UBE3C: variants seen among roughly 807,000 people sequenced by gnomAD.
UBE3C encodes the protein ubiquitin protein ligase E3C.
A neutral mutation model predicts 129.4 loss-of-function variants in UBE3C; 42 were observed. That is an observed-to-expected ratio of 0.32 (90% CI 0.25 to 0.42). The LOEUF is 0.42. Among genes scored for constraint, UBE3C ranks in the 10% least tolerant of loss-of-function variants. The pLI is 1.00. For synonymous variants in UBE3C, 510 were observed against 492.4 expected, an observed-to-expected ratio of 1.04 and a Z score of -0.47; for missense variants, 1,049 against 1,319.1, an observed-to-expected ratio of 0.80 and a Z score of 3.17.
At chr7:157,140,824 A>C (rs751686683) in intron 1 of UBE3C, among the ~76,000 whole-genome samples, 5 of 152,336 alleles carry the variant, frequency 3.3e-5, no homozygotes, top group Non-Finnish European at 7.3e-5. Context: ...TCAAGGGAAG[A>C]TAGCACGAGC....
chr7:157,176,995 G>T (rs1026772959), intron 5 of UBE3C, among the ~76,000 whole-genome samples: 2 of 152,162 alleles, frequency 1.3e-5, no homozygotes, highest in Admixed American at 6.5e-5. Context: ...ACCACCTGCA[G>T]CTCCTTTTAT....
chr7:157,161,978 G>A (rs1808082927), intron 1 of UBE3C, among the ~76,000 whole-genome samples: 1 of 151,750 alleles, frequency 6.6e-6, no homozygotes, highest in East Asian at 2.0e-4. Context: ...GCTGTGGCAC[G>A]AGAATTGCTT....
At chr7:157,157,307 T>G (rs1361306772) in intron 1 of UBE3C, among the ~76,000 whole-genome samples, 2 of 152,146 alleles carry the variant, frequency 1.3e-5, no homozygotes, top group Non-Finnish European at 2.9e-5. Context: ...ATTAAAACTT[T>G]GTACACATAA....
At position 157,139,175 on chromosome 7, in the gene UBE3C, G is replaced by A; in HGVS notation, c.-98G>A. On this transcript the variant is annotated 5_prime_UTR_variant, in exon 1 of 23. Transcript: ENST00000348165. ...CGCCGCGTCCTCGCTGCCCCGGGCC[G>A]GGCGGGCGGGCGCCGAGAGCCTCCC... 1.1e-6 allele frequency: 1 copy of A among 885,404 alleles called. No homozygotes were observed. Among genetic ancestry groups the A allele is most frequent in the Non-Finnish European group, 1.4e-6 (1 of 722,212 alleles). The allele number at this position is 885,404 out of a possible 1,614,324, so 54.8% of individuals were successfully genotyped here.
chr7:157,150,688 A>G (rs1807733612), intron 1 of UBE3C, among the ~76,000 whole-genome samples: 1 of 152,212 alleles, frequency 6.6e-6, no homozygotes, highest in East Asian at 1.9e-4. Context: ...TATGAACATG[A>G]TTTATTGTTA....
At position 157,197,440 on chromosome 7, in the gene UBE3C, T is replaced by C. The variant is rs377669754; in HGVS notation, c.1332-4281T>C. On this transcript the variant is annotated intron_variant, in intron 10 of 22. Transcript: ENST00000348165. ...GGTCTATTCCTAATCCAGATTTGTC[T>C]ATATTCAGGTTGGAAGACAGAATAA... Among the ~76,000 whole-genome samples, 29 of 152,212 alleles carry C rather than the reference T, an allele frequency of 1.9e-4. 1 individual carries two copies. In the South Asian group the frequency reaches 5.6e-3, roughly 29 times the overall value.
At chr7:157,144,507 G>A (rs1807549209) in intron 1 of UBE3C, among the ~76,000 whole-genome samples, 1 of 152,102 alleles carries the variant, frequency 6.6e-6, no homozygotes, top group South Asian at 2.1e-4. Context: ...GAGAATACCC[G>A]AGAGGGGAGA....
chr7:157,207,379 T>A lies in UBE3C; in HGVS notation c.1419-19T>A. The A allele has an allele frequency of 1.3e-6, 2 of 1,591,844 alleles. No individual in the cohort carries two copies. The highest frequency in any genetic ancestry group is 8.5e-7 in the Non-Finnish European group (1 of 1,175,444). ...AATTTTAAAGTGACTGGTTTTTTTC[T>A]TCTTTTCTTTAATTCAAGGTCTATG... On this transcript the variant is annotated intron_variant, in intron 11 of 22. Coordinates refer to ENST00000348165, the MANE Select transcript of UBE3C (RefSeq NM_014671.3).
intron 18 of UBE3C, among the ~76,000 whole-genome samples, chr7:157,242,754 G>A (rs781107996): frequency 1.3e-5 from 2 of 151,896 alleles, no homozygotes; most frequent in Non-Finnish European, 2.9e-5. Flanking sequence ...ACTAGAAGTC[G>A]AGGAAAAAAA....
chr7:157,244,721 C>G (rs1328163036), intron 18 of UBE3C, among the ~76,000 whole-genome samples: 5 of 152,230 alleles, frequency 3.3e-5, no homozygotes, highest in Non-Finnish European at 7.3e-5. Context: ...CGACTGCACT[C>G]ACTTATATTA....
chr7:157,171,684 ATATTTTTTTTTTTTTTTTTTTT>A (rs1333853964), intron 4 of UBE3C, among the ~76,000 whole-genome samples: 12,792 of 54,278 alleles, frequency 0.24, 1,067 homozygotes, highest in East Asian at 0.36. Context: ...ATATATATAT[ATATTTTTTTTTTTTTTTTTTTT>A]TTTTTTTTTT....
chr7:157,177,193 T>A (rs960362040), intron 5 of UBE3C, among the ~76,000 whole-genome samples: 1 of 152,228 alleles, frequency 6.6e-6, no homozygotes, highest in Non-Finnish European at 1.5e-5. Context: ...CCAGCCATTC[T>A]GATGGGTGTG....
chr7:157,185,923 A>C (rs1403710563), intron 9 of UBE3C, among the ~76,000 whole-genome samples: 1 of 152,150 alleles, frequency 6.6e-6, no homozygotes, highest in Non-Finnish European at 1.5e-5. Context: ...GTTTCCAGAC[A>C]ATACAGTCAG....
intron 1 of UBE3C, among the ~76,000 whole-genome samples, chr7:157,144,894 C>T (rs1250268999): frequency 6.6e-6 from 1 of 152,180 alleles, no homozygotes; most frequent in African/African-American, 2.4e-5. Flanking sequence ...CAGGTTCACA[C>T]TGTGTGTTGT....
chr7:157,224,474 A>G (rs186608458), intron 16 of UBE3C, among the ~76,000 whole-genome samples: 29 of 152,196 alleles, frequency 1.9e-4, no homozygotes, highest in Non-Finnish European at 3.8e-4. Flanking sequence ...AATTACAGGC[A>G]TGAGCCACCG....
At chr7:157,152,985 C>T (rs1039102265) in intron 1 of UBE3C, among the ~76,000 whole-genome samples, 1 of 152,112 alleles carries the variant, frequency 6.6e-6, no homozygotes, top group African/African-American at 2.4e-5. Context: ...TGCCTGAGGT[C>T]AGGAGTTTGA....
chr7:157,179,847 A>G (rs1808623082), intron 6 of UBE3C, among the ~76,000 whole-genome samples: 2 of 152,098 alleles, frequency 1.3e-5, no homozygotes, highest in Admixed American at 6.5e-5. Context: ...GCGTGTTACT[A>G]TTTTTTAGAC....
rs148761004 is a variant in UBE3C at position 157,207,903 on chromosome 7, A to G, written c.1777A>G (p.Met593Val). The G allele has an allele frequency of 2.4e-3, 3,864 of 1,606,564 alleles. 15 individuals are homozygous for G. Among genetic ancestry groups the G allele is most frequent in the Non-Finnish European group, 2.6e-3 (3,080 of 1,177,082 alleles). Residue 593 changes from methionine to valine, a missense_variant, in exon 13 of 23, where the codon ATG (methionine) becomes GTG (valine). Coordinates refer to ENST00000348165, the MANE Select transcript of UBE3C (RefSeq NM_014671.3). Reference sequence around the variant, plus strand: ...CTCTGAAATGCAACAATGCATACAGATGGAACAGAAAAGATGGATTCAGTT... The same window carrying G: ...CTCTGAAATGCAACAATGCATACAGGTGGAACAGAAAAGATGGATTCAGTT... ...TSSEMQQCIQ[M>V]EQKRWIQLFK...
intron 8 of UBE3C, 28 bp from the exon 9 acceptor site, chr7:157,183,850 A>G: frequency 6.3e-6 from 10 of 1,585,988 alleles, no homozygotes; most frequent in Non-Finnish European, 7.7e-6. Flanking sequence ...TTTAACTAAA[A>G]TACGTTTTAA....
Sources: allele counts gnomAD v4.1 joint callset (sites outside exome capture counted in the v4.1 genomes callset), GRCh38; gene constraint gnomAD v4.1.1; transcripts MANE v1.5; gene names NCBI Gene and HGNC (gene_info 2026-07-23, HGNC 2026-07-21).